The following IQCK variants were observed in gnomAD, a reference collection of about 807,000 sequenced individuals.
IQCK encodes the protein IQ motif containing K, also known as IQ domain-containing protein K.
In IQCK, 29 loss-of-function variants were observed where a neutral mutation model predicts 28.1. That is an observed-to-expected ratio of 1.03 (90% CI 0.77 to 1.41). The LOEUF is 1.41. IQCK is among the 40% of genes most tolerant of loss of function. The pLI, the probability that IQCK is intolerant of heterozygous loss-of-function variation, is 0.00. For missense variants in IQCK, 359 were observed against 314.7 expected (o/e 1.14, Z -1.07); for synonymous variants, 113 against 115.1 (o/e 0.98, Z 0.12).
Position 19,856,622 on chromosome 16 carries a change from T to G in IQCK, c.*74T>G. On this transcript the variant is annotated 3_prime_UTR_variant, in exon 10 of 10. Coordinates refer to the IQCK transcript ENST00000320394. ...CAAGGAAAATGTCCAAATGATGCTC[T>G]CTCTCTTGTGATTTCTTTAACAAGA... is the stretch of plus-strand genomic sequence containing the variant. The G allele has an allele frequency of 2.5e-6, 3 of 1,206,070 alleles. No homozygotes were observed. In the South Asian group the frequency reaches 3.7e-5, roughly 15 times the overall value. 74.7% of individuals were successfully genotyped at this position (1,206,070 alleles called of 1,614,324 possible). A position where few individuals can be genotyped will look rare whatever the true frequency, so the allele number is the denominator to read the frequency against.
At chr16:19,783,063 A>G (rs1252205155) in intron 6 of IQCK, among the ~76,000 whole-genome samples, 1 of 150,776 alleles carries the variant, frequency 6.6e-6, no homozygotes, top group African/African-American at 2.5e-5. Context: ...CAGTGGTGCG[A>G]TCTTGGCTCA....
At chr16:19,748,288 C>G (rs1432143003) in intron 4 of IQCK, among the ~76,000 whole-genome samples, 1 of 151,948 alleles carries the variant, frequency 6.6e-6, no homozygotes, top group Non-Finnish European at 1.5e-5. Flanking sequence ...TTGGCCAGGC[C>G]AGTCTGAAAC....
At chr16:19,768,196 G>A (rs569283636) in intron 6 of IQCK, among the ~76,000 whole-genome samples, 1 of 152,148 alleles carries the variant, frequency 6.6e-6, no homozygotes, top group East Asian at 1.9e-4. Context: ...ACAACACTAG[G>A]ATGTAGGTAC....
At chr16:19,818,813 T>G (rs1382238196) in intron 7 of IQCK, among the ~76,000 whole-genome samples, 1 of 152,116 alleles carries the variant, frequency 6.6e-6, no homozygotes, top group African/African-American at 2.4e-5. Context: ...AAAAAATCAG[T>G]TGAATGGTTT....
intron 7 of IQCK, among the ~76,000 whole-genome samples, chr16:19,807,410 GC>G (rs1210256870): frequency 6.6e-6 from 1 of 152,244 alleles, no homozygotes; most frequent in Non-Finnish European, 1.5e-5. Flanking sequence ...AACTCAGGCT[GC>G]TGCAGAGAGA....
chr16:19,768,980 G>A (rs1323513836), intron 6 of IQCK, among the ~76,000 whole-genome samples: 1 of 152,198 alleles, frequency 6.6e-6, no homozygotes, highest in East Asian at 1.9e-4. Flanking sequence ...CACAGGGGGT[G>A]CAGTCATCTG....
chr16:19,815,050 T>C (rs918051827), intron 7 of IQCK, among the ~76,000 whole-genome samples: 3 of 152,076 alleles, frequency 2.0e-5, no homozygotes, highest in African/African-American at 7.2e-5. Flanking sequence ...TCCTCCCAAA[T>C]TGCTGGGATT....
intron 9 of IQCK, among the ~76,000 whole-genome samples, chr16:19,837,663 G>A (rs2056314478): frequency 6.6e-6 from 1 of 152,160 alleles, no homozygotes; most frequent in African/African-American, 2.4e-5. Context: ...TTTTAAAGCT[G>A]TCAGCAAAAA....
chr16:19,813,638 G>T (rs554694383), intron 7 of IQCK, among the ~76,000 whole-genome samples: 9 of 152,302 alleles, frequency 5.9e-5, no homozygotes, highest in African/African-American at 2.2e-4. Context: ...ACTGCTAAAT[G>T]ATATACTTCA....
intron 4 of IQCK, among the ~76,000 whole-genome samples, chr16:19,760,158 A>T (rs1219079848): frequency 3.3e-5 from 5 of 152,246 alleles, no homozygotes; most frequent in African/African-American, 1.2e-4. Flanking sequence ...TTTTAAAAAG[A>T]CAATGAGAAT....
chr16:19,801,284 TTC>T (rs200001766), intron 7 of IQCK, among the ~76,000 whole-genome samples: 5 of 109,284 alleles, frequency 4.6e-5, no homozygotes, highest in South Asian at 5.7e-4. Context: ...TTCACAGTCT[TTC>T]TCTCTCTCTC....
chr16:19,778,064 G>A (rs900892676), intron 6 of IQCK, among the ~76,000 whole-genome samples: 1 of 152,006 alleles, frequency 6.6e-6, no homozygotes, highest in African/African-American at 2.4e-5. Context: ...AAAAAAAAGA[G>A]AACCAGTTCA....
intron 6 of IQCK, among the ~76,000 whole-genome samples, chr16:19,784,814 G>A (rs983331292): frequency 3.9e-5 from 6 of 152,136 alleles, no homozygotes; most frequent in Non-Finnish European, 5.9e-5. Flanking sequence ...TGTTGCCCAG[G>A]CTGGAGTGCA....
intron 4 of IQCK, among the ~76,000 whole-genome samples, chr16:19,760,481 C>CT (rs1397604215): frequency 6.6e-6 from 1 of 152,192 alleles, no homozygotes; most frequent in Non-Finnish European, 1.5e-5. Flanking sequence ...ACTGCTTTGT[C>CT]TTTCAGGAGC....
intron 7 of IQCK, among the ~76,000 whole-genome samples, chr16:19,803,581 T>C (rs2055789253): frequency 6.6e-6 from 1 of 152,160 alleles, no homozygotes; most frequent in Admixed American, 6.6e-5. Context: ...AATCACAACT[T>C]TTTTTCTTTT....
intron 9 of IQCK, among the ~76,000 whole-genome samples, chr16:19,843,609 G>A (rs1318712872): frequency 6.6e-6 from 1 of 152,188 alleles, no homozygotes. Flanking sequence ...CCACAGACTT[G>A]ACAGTTTAAA....
At chr16:19,738,935 C>T (rs1474313505) in intron 4 of IQCK, among the ~76,000 whole-genome samples, 1 of 152,104 alleles carries the variant, frequency 6.6e-6, no homozygotes, top group East Asian at 1.9e-4. Context: ...TGTGTTGGCA[C>T]TTATCAAGCA....
chr16:19,852,280 T>C (rs890834839), intron 9 of IQCK, among the ~76,000 whole-genome samples: 6 of 152,212 alleles, frequency 3.9e-5, no homozygotes, highest in Admixed American at 3.3e-4. Flanking sequence ...AAAACACATA[T>C]AACAATAAAT....
At chr16:19,817,833 T>A (rs1337860870) in intron 7 of IQCK, among the ~76,000 whole-genome samples, 2 of 152,162 alleles carry the variant, frequency 1.3e-5, no homozygotes, top group Non-Finnish European at 2.9e-5. Flanking sequence ...AAAGTGACAG[T>A]CCCTGATGAC....
Sources: gnomAD v4.1 joint callset for allele counts (sites outside exome capture counted in the v4.1 genomes callset) on GRCh38, gnomAD v4.1.1 for gene constraint, MANE v1.5 for transcripts, NCBI Gene and HGNC (gene_info 2026-07-23, HGNC 2026-07-21) for gene names.